Variants in ARHGEF3 observed in about 807,000 individuals in gnomAD.
ARHGEF3 encodes the protein Rho guanine nucleotide exchange factor 3, also known as 59.8 kDA protein.
A neutral mutation model predicts 63.2 loss-of-function variants in ARHGEF3; 28 were observed. That is an observed-to-expected ratio of 0.44 (90% CI 0.33 to 0.61). The LOEUF is 0.61. Ranked by LOEUF, ARHGEF3 falls within the 20% of genes least tolerant of loss-of-function variation. ARHGEF3 has a pLI of 0.03. For missense variants in ARHGEF3, 533 were observed against 659.3 expected (o/e 0.81, Z 2.10); for synonymous variants, 266 against 254.2 (o/e 1.05, Z -0.44).
At chr3:57,054,529 T>A (rs1283405238) in intron 1 of ARHGEF3, among the ~76,000 whole-genome samples, 1 of 150,304 alleles carries the variant, frequency 6.7e-6, no homozygotes, top group African/African-American at 2.4e-5. Flanking sequence ...TACCAGCGAC[T>A]CGGGAGGCTG....
chr3:56,778,190 C>T (rs563069754), intron 1 of ARHGEF3, among the ~76,000 whole-genome samples: 10 of 152,312 alleles, frequency 6.6e-5, no homozygotes, highest in East Asian at 1.9e-4. Context: ...CAGCTCAGTG[C>T]TTTACATATA....
At chr3:56,950,151 A>C (rs987146018) in intron 3 of ARHGEF3, among the ~76,000 whole-genome samples, 26 of 152,094 alleles carry the variant, frequency 1.7e-4, no homozygotes, top group African/African-American at 5.8e-4. Context: ...TAAAGACTTA[A>C]ATGTTAGACC....
At chr3:56,877,377 T>C (rs938617450) in intron 4 of ARHGEF3, among the ~76,000 whole-genome samples, 3 of 50,372 alleles carry the variant, frequency 6.0e-5, no homozygotes, top group Non-Finnish European at 9.6e-5. Context: ...ACTATAATCC[T>C]TTTTTTTTTT....
intron 2 of ARHGEF3, among the ~76,000 whole-genome samples, chr3:56,762,080 A>G (rs569710775): frequency 6.6e-6 from 1 of 152,184 alleles, no homozygotes; most frequent in Non-Finnish European, 1.5e-5. Flanking sequence ...ACCAGATGCC[A>G]GCAGCACAGC....
chr3:56,965,221 C>G (rs116801191), intron 2 of ARHGEF3, among the ~76,000 whole-genome samples: 1 of 152,130 alleles, frequency 6.6e-6, no homozygotes, highest in African/African-American at 2.4e-5. Flanking sequence ...TGTCACTGCA[C>G]TCTAGTCTGG....
intron 3 of ARHGEF3, among the ~76,000 whole-genome samples, chr3:56,889,007 T>C (rs985676303): frequency 4.6e-5 from 7 of 152,154 alleles, no homozygotes; most frequent in Non-Finnish European, 7.3e-5. Flanking sequence ...GGAGGTCTCA[T>C]GGAGATATGG....
intron 1 of ARHGEF3, among the ~76,000 whole-genome samples, chr3:57,047,693 G>A (rs1704513659): frequency 6.6e-6 from 1 of 152,146 alleles, no homozygotes; most frequent in Non-Finnish European, 1.5e-5. Flanking sequence ...AAGCCTTTTG[G>A]AGATCCCCCA....
intron 1 of ARHGEF3, among the ~76,000 whole-genome samples, chr3:57,061,511 T>C (rs939975793): frequency 6.6e-6 from 1 of 152,208 alleles, no homozygotes; most frequent in Non-Finnish European, 1.5e-5. Flanking sequence ...TGTATGTACA[T>C]ACCACATTTT....
At chr3:57,002,618 G>T (rs1235655713) in intron 2 of ARHGEF3, among the ~76,000 whole-genome samples, 4 of 145,270 alleles carry the variant, frequency 2.8e-5, no homozygotes, top group Non-Finnish European at 4.5e-5. Flanking sequence ...GAGTTCAGGG[G>T]TACATGTGGG....
At chr3:56,806,890 C>CT (rs200241279), upstream of ARHGEF3, among the ~76,000 whole-genome samples, 11,066 of 145,738 alleles carry the variant, frequency 0.076, 784 homozygotes, top group East Asian at 0.25. Context: ...TAGCGAGTTC[C>CT]TTTTTTTTTT....
At chr3:56,779,141 C>T (rs151205071) in intron 1 of ARHGEF3, among the ~76,000 whole-genome samples, 1 of 152,324 alleles carries the variant, frequency 6.6e-6, no homozygotes, top group African/African-American at 2.4e-5. Context: ...AGGGTCCTCC[C>T]CTGATAAACA....
Position 57,002,500 on chromosome 3 carries a change from A to ATATATATATATATATATATATATATGT in ARHGEF3, c.62+32587_62+32588insACATATATATATATATATATATATATA, listed in dbSNP as rs1702276506. 2.8e-4 allele frequency among the ~76,000 whole-genome samples: 17 copies of ATATATATATATATATATATATATATGT among 60,116 alleles called. 1 individual carries two copies. The highest frequency in any genetic ancestry group is 9.4e-4 in the African/African-American group (15 of 16,020). The allele number at this position is 60,116 out of a possible 152,430, so 39.4% of individuals were successfully genotyped here. A position where few individuals can be genotyped will look rare whatever the true frequency, so the allele number is the denominator to read the frequency against. The stretch of plus-strand genomic sequence containing the variant: ...TATGTTATATATATATATATATGTT[A>ATATATATATATATATATATATATATGT]TATATATATATATGTTATATATGTA... On this transcript the variant is annotated intron_variant, in intron 2 of 12. Coordinates refer to the ARHGEF3 transcript ENST00000338458.
intron 2 of ARHGEF3, among the ~76,000 whole-genome samples, chr3:57,030,061 TG>T (rs1560147259): frequency 6.6e-6 from 1 of 152,152 alleles, no homozygotes; most frequent in Non-Finnish European, 1.5e-5. Context: ...CCACGTCTAA[TG>T]GGGAGGGCTT....
chr3:56,868,498 G>A (rs2040331719), intron 4 of ARHGEF3, among the ~76,000 whole-genome samples: 1 of 151,928 alleles, frequency 6.6e-6, no homozygotes, highest in Non-Finnish European at 1.5e-5. Context: ...AAGTAGCTGG[G>A]AGTACAGGCG....
intron 1 of ARHGEF3, chr3:57,079,008 G>C (rs1706341661): frequency 5.9e-6 from 2 of 339,506 alleles, no homozygotes; most frequent in Non-Finnish European, 1.1e-5. Context: ...GCATACCCCA[G>C]ACCAGGGAGC....
At chr3:56,864,049 G>C (rs1299623770) in intron 4 of ARHGEF3, among the ~76,000 whole-genome samples, 1 of 152,078 alleles carries the variant, frequency 6.6e-6, no homozygotes, top group Non-Finnish European at 1.5e-5. Context: ...GCTAAGCCAG[G>C]ACACCACCAT....
At chr3:56,904,296 G>T (rs2108317082) in intron 3 of ARHGEF3, among the ~76,000 whole-genome samples, 1 of 152,268 alleles carries the variant, frequency 6.6e-6, no homozygotes, top group Admixed American at 6.5e-5. Flanking sequence ...CCCCCAAAGT[G>T]TTGGGATTAC....
intron 2 of ARHGEF3, among the ~76,000 whole-genome samples, chr3:56,989,890 C>G (rs1411936486): frequency 6.6e-6 from 1 of 152,208 alleles, no homozygotes; most frequent in Non-Finnish European, 1.5e-5. Context: ...TCCTCTGGAA[C>G]AATAATGGGA....
intron 2 of ARHGEF3, 79 bp from the exon 3 acceptor site, chr3:56,755,230 C>T: frequency 5.5e-6 from 8 of 1,446,832 alleles, no homozygotes; most frequent in Non-Finnish European, 7.6e-6. Flanking sequence ...CTGTCGTTGA[C>T]GGAACATAAA....
Sources: allele counts gnomAD v4.1 joint callset (sites outside exome capture counted in the v4.1 genomes callset), GRCh38; gene constraint gnomAD v4.1.1; transcripts MANE v1.5; gene names NCBI Gene and HGNC (gene_info 2026-07-23, HGNC 2026-07-21).